The following HTR2B variants were observed in gnomAD, a reference collection of about 807,000 sequenced individuals.
HTR2B encodes 5-hydroxytryptamine receptor 2B.
HTR2B carries 31 observed loss-of-function variants against 39.8 expected under a neutral mutation model. The observed-to-expected ratio is 0.78, with a 90% CI of 0.58 to 1.05. The LOEUF is 1.05. Among genes scored for constraint, HTR2B ranks in the 50% least tolerant of loss-of-function variants. The pLI, the probability that HTR2B is intolerant of heterozygous loss-of-function variation, is 0.00. For synonymous variants in HTR2B, 210 were observed against 207.1 expected (o/e 1.01, Z -0.12); for missense variants, 562 against 578.0 (o/e 0.97, Z 0.28).
intron 2 of HTR2B, among the ~76,000 whole-genome samples, chr2:231,119,358 A>G (rs1172209133): frequency 6.6e-6 from 1 of 152,176 alleles, no homozygotes; most frequent in Non-Finnish European, 1.5e-5. Context: ...ATTAGTGCTT[A>G]TAAGATGCTG....
intron 2 of HTR2B, among the ~76,000 whole-genome samples, chr2:231,118,138 T>G (rs1695406451): frequency 6.6e-6 from 1 of 152,124 alleles, no homozygotes; most frequent in South Asian, 2.1e-4. Flanking sequence ...AGTACCTGTT[T>G]TATAGGATTT....
Position 231,123,930 on chromosome 2 carries a change from C to A in HTR2B, c.-166G>T. 3 of 668,000 alleles carry A rather than the reference C, an allele frequency of 4.5e-6. No homozygotes were observed. In the South Asian group the frequency reaches 4.8e-5, roughly 11 times the overall value. The allele number at this position is 668,000 out of a possible 1,614,324, so 41.4% of individuals were successfully genotyped here. A position where few individuals can be genotyped will look rare whatever the true frequency, so the allele number is the denominator to read the frequency against. ...AAATTCAAGTTCTCTAAAATGAGCGCATACACACATCTGTCCATGTTTGTA... is the reference window on the plus strand; with the variant it reads ...AAATTCAAGTTCTCTAAAATGAGCGAATACACACATCTGTCCATGTTTGTA... On this transcript the variant is annotated 5_prime_UTR_variant, in exon 2 of 4. An upstream start codon of the reference 5' UTR is lost. Transcript: ENST00000258400.
At position 231,123,748 on chromosome 2, in the gene HTR2B, C is replaced by T. The variant is rs1695639089; in HGVS notation, c.17G>A (p.Arg6Lys). MALSY[R>K]VSELQSTIPE... ...AATTGTGCTTTGAAGTTCAGACACT[C>T]TGTAAGAGAGAGCCATTTGCTGTTT... is the stretch of plus-strand genomic sequence containing the variant. The change falls in exon 2 of 4, where the codon AGA becomes AAA. Residue 6 changes from arginine to lysine, a missense_variant. Transcript: ENST00000258400. 5 of 1,613,604 alleles carry T rather than the reference C, an allele frequency of 3.1e-6. No homozygotes were observed. In the South Asian group the frequency reaches 5.5e-5, roughly 18 times the overall value.
In HTR2B at chr2:231,124,146, A is replaced by G. The variant is rs1695656367; in HGVS notation, c.-366-16T>C. The G allele has an allele frequency of 4.5e-6, 1 of 224,580 alleles. No individual in the cohort carries two copies. The highest frequency in any genetic ancestry group is 6.6e-5 in the South Asian group (1 of 15,266). 13.9% of individuals were successfully genotyped at this position (224,580 alleles called of 1,614,324 possible). On this transcript the variant is annotated splice_polypyrimidine_tract_variant and intron_variant, in intron 1 of 3. Coordinates refer to ENST00000258400, the MANE Select transcript of HTR2B (RefSeq NM_000867.5). ...AGAGTTCCCCCTAGATACAAAATAC[A>G]TAGACTGCATTATTTTATTCATTTC...
chr2:231,112,513 A>G (rs1695186012), intron 3 of HTR2B, among the ~76,000 whole-genome samples: 1 of 152,212 alleles, frequency 6.6e-6, no homozygotes, highest in South Asian at 2.1e-4. Flanking sequence ...TATGAAGGTC[A>G]ATCTCATTGT....
intron 2 of HTR2B, among the ~76,000 whole-genome samples, chr2:231,115,658 T>A (rs1278995701): frequency 6.6e-6 from 1 of 152,148 alleles, no homozygotes; most frequent in African/African-American, 2.4e-5. Flanking sequence ...CCTTAGAGAT[T>A]ACCATTGATC....
intron 2 of HTR2B, among the ~76,000 whole-genome samples, chr2:231,120,673 A>G (rs1695508374): frequency 2.0e-5 from 3 of 152,244 alleles, no homozygotes; most frequent in South Asian, 2.1e-4. Context: ...TTTATATTTT[A>G]CTGCTCTTAT....
In HTR2B at chr2:231,109,093, G is replaced by A; in HGVS notation, c.870C>T (p.Asp290=). The change falls in exon 4 of 4, where the codon GAC becomes GAT. Residue 290 remains aspartate, a synonymous_variant. Transcript: ENST00000258400. Reference sequence around the variant, plus strand: ...CATCACCTGAGTTGGGCAGAGCCTTGTCCTTTCGAGAACCATCCAGCATTG... The same window carrying A: ...CATCACCTGAGTTGGGCAGAGCCTTATCCTTTCGAGAACCATCCAGCATTG... ...KVAMLDGSRK[D]KALPNSGDET... The A allele has an allele frequency of 1.1e-5, 18 of 1,614,162 alleles. No homozygotes were observed. The highest frequency in any genetic ancestry group is 1.5e-5 in the Non-Finnish European group (18 of 1,180,004).
At chr2:231,123,248 A>G (rs1639666025) in intron 2 of HTR2B, among the ~76,000 whole-genome samples, 165 bp downstream of exon 2, 1 of 152,202 alleles carries the variant, frequency 6.6e-6, no homozygotes, top group South Asian at 2.1e-4. Context: ...CTGCTGATCA[A>G]CCATAGAGAA....
chr2:231,113,079 G>A (rs987527934), intron 3 of HTR2B, among the ~76,000 whole-genome samples: 1 of 152,100 alleles, frequency 6.6e-6, no homozygotes, highest in Non-Finnish European at 1.5e-5. Flanking sequence ...TGGGAGGATC[G>A]CTTGAGCCCG....
At chr2:231,113,707 C>T (rs762340205) in intron 3 of HTR2B, 22 bp downstream of exon 3, 3 of 1,601,646 alleles carry the variant, frequency 1.9e-6, no homozygotes, top group Middle Eastern at 1.8e-4. Flanking sequence ...ATACCACCCA[C>T]ACTCTGGCAT....
At chr2:231,124,492 A>G (rs1695668276) in intron 1 of HTR2B, among the ~76,000 whole-genome samples, 1 of 152,140 alleles carries the variant, frequency 6.6e-6, no homozygotes, top group Admixed American at 6.5e-5. Context: ...ATGTTTTACC[A>G]GCTAGGGATC....
rs1257705911 is a variant in HTR2B, at chr2:231,109,242, TAGTG to T, written c.717_720del (p.Thr240SerfsTer10). ...TAAGCCTTCTTCTGTAAAGCATGGA[TAGTG>T]AGAAAGTAGGTGACAATCATAATTG... On this transcript the variant is annotated frameshift_variant, in exon 4 of 4. Coordinates refer to ENST00000258400, the MANE Select transcript of HTR2B (RefSeq NM_000867.5). LOFTEE classifies it high-confidence loss of function. 4.3e-6 allele frequency: 7 copies of T among 1,613,964 alleles called. No individual in the cohort carries two copies. The highest frequency in any genetic ancestry group is 5.9e-6 in the Non-Finnish European group (7 of 1,180,026).
chr2:231,119,451 C>T (rs929468738), intron 2 of HTR2B, among the ~76,000 whole-genome samples: 4 of 152,144 alleles, frequency 2.6e-5, no homozygotes, highest in African/African-American at 4.8e-5. Flanking sequence ...TGATCCAACA[C>T]GGGAGAACCA....
intron 2 of HTR2B, among the ~76,000 whole-genome samples, chr2:231,115,331 G>A (rs1574743029): frequency 6.6e-6 from 1 of 152,122 alleles, no homozygotes; most frequent in African/African-American, 2.4e-5. Context: ...GTATCCAGAA[G>A]GTAGCAAGGC....
chr2:231,115,990 T>C (rs1202782042), intron 2 of HTR2B, among the ~76,000 whole-genome samples: 1 of 152,136 alleles, frequency 6.6e-6, no homozygotes, highest in Non-Finnish European at 1.5e-5. Context: ...AAGATGCACC[T>C]AAGTTTCCTG....
In HTR2B at chr2:231,108,498, A is replaced by C; in HGVS notation, c.*19T>G. The stretch of plus-strand genomic sequence containing the variant: ...ATCATCTTACTCATCATTATGTTTG[A>C]TGACAACTGCCAGTTCTGCTATACA... On this transcript the variant is annotated 3_prime_UTR_variant, in exon 4 of 4. Coordinates refer to ENST00000258400, the MANE Select transcript of HTR2B (RefSeq NM_000867.5). 1.3e-6 allele frequency: 2 copies of C among 1,594,520 alleles called. No individual in the cohort carries two copies. The highest frequency in any genetic ancestry group is 1.7e-6 in the Non-Finnish European group (2 of 1,163,106).
At position 231,109,039 on chromosome 2, in the gene HTR2B, A is replaced by G. The variant is rs1695062549; in HGVS notation, c.924T>C (p.Ile308=). Reference sequence around the variant, plus strand: ...AAATGGTCTGCACTGACTTTTTCCCAATTGTGGATGTTCTTCGCATAAGTG... The same window carrying G: ...AAATGGTCTGCACTGACTTTTTCCCGATTGTGGATGTTCTTCGCATAAGTG... The part of the protein sequence containing the change: ...DETLMRRTST[I]GKKSVQTISN... The change falls in exon 4 of 4, where the codon ATT becomes ATC. Residue 308 remains isoleucine, a synonymous_variant. Coordinates refer to ENST00000258400, the MANE Select transcript of HTR2B (RefSeq NM_000867.5). 6.2e-7 allele frequency: 1 copy of G among 1,614,118 alleles called. No individual in the cohort carries two copies. The highest frequency in any genetic ancestry group is 1.3e-5 in the African/African-American group (1 of 74,944).
At chr2:231,110,296 A>C (rs915616383) in intron 3 of HTR2B, among the ~76,000 whole-genome samples, 1 of 152,156 alleles carries the variant, frequency 6.6e-6, no homozygotes, top group Non-Finnish European at 1.5e-5. Flanking sequence ...CTCCACGCTC[A>C]GCGACAAAGT....
Sources: allele counts gnomAD v4.1 joint callset (sites outside exome capture counted in the v4.1 genomes callset), GRCh38; gene constraint gnomAD v4.1.1; transcripts MANE v1.5; gene names NCBI Gene and HGNC (gene_info 2026-07-23, HGNC 2026-07-21).